The following ZMIZ1 variants were observed in gnomAD, a reference collection of about 807,000 sequenced individuals.
ZMIZ1 encodes zinc finger MIZ domain-containing protein 1.
In ZMIZ1, 17 loss-of-function variants were observed where a neutral mutation model predicts 113.9. The observed-to-expected ratio is 0.15, with a 90% CI of 0.10 to 0.22. The LOEUF is 0.22. ZMIZ1 is among the 10% of genes least tolerant of loss of function. ZMIZ1 has a pLI of 1.00. For missense variants in ZMIZ1, 1,059 were observed against 1,477.8 expected (o/e 0.72, Z 4.65); for synonymous variants, 607 against 603.1 (o/e 1.01, Z -0.09).
chr10:79,294,008 T>G (rs1853700713), intron 12 of ZMIZ1: 1 of 372,670 alleles, frequency 2.7e-6, no homozygotes, highest in Non-Finnish European at 5.1e-6. Context: ...CTGGGTTTAG[T>G]TCCTCCTGCC....
At chr10:79,071,647 A>G (rs921836392) in intron 1 of ZMIZ1, among the ~76,000 whole-genome samples, 1 of 152,158 alleles carries the variant, frequency 6.6e-6, no homozygotes, top group Non-Finnish European at 1.5e-5. Context: ...GCCCCAGTGC[A>G]GGGGCCGGGT....
intron 7 of ZMIZ1, among the ~76,000 whole-genome samples, chr10:79,253,022 A>G (rs944754860): frequency 6.6e-6 from 1 of 152,178 alleles, no homozygotes; most frequent in African/African-American, 2.4e-5. Context: ...GGGAAGGTGA[A>G]AAAAGACACA....
At position 79,305,245 on chromosome 10, in the gene ZMIZ1, A is replaced by G. The variant is rs1237703063; in HGVS notation, c.2354+14A>G. 1 of 1,613,460 alleles carries G rather than the reference A, an allele frequency of 6.2e-7. No homozygotes were observed. The highest frequency in any genetic ancestry group is 8.5e-7 in the Non-Finnish European group (1 of 1,179,796). ...TCCTGTGTGCAAGTGAGTGATGCCC[A>G]CCCCGGTGGGGGCTTCCCCCATCCC... On this transcript the variant is annotated intron_variant, in intron 20 of 24. Coordinates refer to ENST00000334512, the MANE Select transcript of ZMIZ1 (RefSeq NM_020338.4).
intron 7 of ZMIZ1, among the ~76,000 whole-genome samples, chr10:79,275,802 C>T (rs1852251764): frequency 6.6e-6 from 1 of 152,178 alleles, no homozygotes; most frequent in Non-Finnish European, 1.5e-5. Context: ...GCTGTGGTTA[C>T]TGTGAGTAGC....
intron 7 of ZMIZ1, among the ~76,000 whole-genome samples, chr10:79,257,215 C>G (rs192081597): frequency 6.6e-6 from 1 of 152,350 alleles, no homozygotes. Context: ...GGACTGAGGA[C>G]CACTGTGGGG....
chr10:79,183,380 A>C (rs1008501422), intron 4 of ZMIZ1, among the ~76,000 whole-genome samples: 1 of 147,262 alleles, frequency 6.8e-6, no homozygotes, highest in Non-Finnish European at 1.5e-5. Context: ...ACACACACAC[A>C]CACGCACACA....
chr10:79,101,848 C>G (rs1183782527), intron 1 of ZMIZ1, among the ~76,000 whole-genome samples: 1 of 152,224 alleles, frequency 6.6e-6, no homozygotes, highest in Non-Finnish European at 1.5e-5. Context: ...CGTTGTCCCT[C>G]CCCTCTCTGA....
chr10:79,143,183 G>T (rs771989609), intron 3 of ZMIZ1, among the ~76,000 whole-genome samples: 1 of 152,152 alleles, frequency 6.6e-6, no homozygotes, highest in East Asian at 1.9e-4. Context: ...GCTCCCCACC[G>T]CTCCATCTCT....
chr10:79,274,742 T>C (rs1458611393), intron 7 of ZMIZ1, among the ~76,000 whole-genome samples: 2 of 152,204 alleles, frequency 1.3e-5, no homozygotes, highest in Non-Finnish European at 2.9e-5. Flanking sequence ...ATATCACGCC[T>C]GTTTGCGGCA....
chr10:79,165,960 G>GTC (rs1589366063), intron 4 of ZMIZ1, among the ~76,000 whole-genome samples: 18 of 47,034 alleles, frequency 3.8e-4, no homozygotes, highest in African/African-American at 1.7e-3. Context: ...GTGTGTGTGT[G>GTC]TGTGTGTGTG....
intron 4 of ZMIZ1, among the ~76,000 whole-genome samples, chr10:79,196,152 C>T (rs919299425): frequency 1.3e-5 from 2 of 152,310 alleles, no homozygotes; most frequent in African/African-American, 4.8e-5. Context: ...CATCATTGAC[C>T]TCAACAGTTT....
At chr10:79,287,328 G>A (rs149092889) in intron 8 of ZMIZ1, among the ~76,000 whole-genome samples, 351 of 152,336 alleles carry the variant, frequency 2.3e-3, no homozygotes, top group African/African-American at 7.8e-3. Context: ...AGAGTCTGTC[G>A]CTATCTGTCA....
At chr10:79,124,120 A>T (rs942599889) in intron 2 of ZMIZ1, among the ~76,000 whole-genome samples, 1 of 152,180 alleles carries the variant, frequency 6.6e-6, no homozygotes, top group East Asian at 1.9e-4. Flanking sequence ...GGAGGGTGGG[A>T]CTGCTGTCCT....
intron 6 of ZMIZ1, among the ~76,000 whole-genome samples, chr10:79,209,208 A>G (rs552781806): frequency 6.6e-6 from 1 of 152,138 alleles, no homozygotes; most frequent in African/African-American, 2.4e-5. Context: ...CTCGGGGCAC[A>G]AGCAGCAGAG....
chr10:79,152,562 C>G (rs144586420), intron 3 of ZMIZ1, among the ~76,000 whole-genome samples: 1 of 152,186 alleles, frequency 6.6e-6, no homozygotes, highest in African/African-American at 2.4e-5. Context: ...ATCTCCGGGG[C>G]GGGGCCTGCG....
At chr10:79,239,758 C>T (rs985053100) in intron 7 of ZMIZ1, among the ~76,000 whole-genome samples, 1 of 152,128 alleles carries the variant, frequency 6.6e-6, no homozygotes, top group Non-Finnish European at 1.5e-5. Flanking sequence ...TGACCTACAT[C>T]CTAGGTGGCT....
At chr10:79,249,468 C>T (rs924026056) in intron 7 of ZMIZ1, among the ~76,000 whole-genome samples, 2 of 152,314 alleles carry the variant, frequency 1.3e-5, no homozygotes, top group African/African-American at 2.4e-5. Context: ...TTGAAAGGCT[C>T]GAGGTCTTGG....
chr10:79,146,467 C>A (rs1181490304), intron 3 of ZMIZ1, among the ~76,000 whole-genome samples: 1 of 152,204 alleles, frequency 6.6e-6, no homozygotes, highest in African/African-American at 2.4e-5. Flanking sequence ...CTATAATATA[C>A]CATGGACTCC....
intron 18 of ZMIZ1, among the ~76,000 whole-genome samples, chr10:79,302,718 G>C (rs1401070062): frequency 1.8e-5 from 2 of 113,232 alleles, no homozygotes; most frequent in Non-Finnish European, 3.5e-5. Flanking sequence ...GAGAGAGAGA[G>C]AATGTCGCTC....
Sources: allele counts gnomAD v4.1 joint callset (sites outside exome capture counted in the v4.1 genomes callset), GRCh38; gene constraint gnomAD v4.1.1; transcripts MANE v1.5; gene names NCBI Gene and HGNC (gene_info 2026-07-23, HGNC 2026-07-21).